ITGA2: variants seen among roughly 807,000 people sequenced by gnomAD.
The protein encoded by ITGA2 is integrin subunit alpha 2.
Under a neutral mutation model 146.3 loss-of-function variants are expected in ITGA2, and 101 were observed. That is an observed-to-expected ratio of 0.69 (90% CI 0.59 to 0.81). The LOEUF is 0.81. Among genes scored for constraint, ITGA2 ranks in the 40% least tolerant of loss-of-function variants. ITGA2 has a pLI of 0.00. For synonymous variants in ITGA2, 477 were observed against 487.1 expected, an observed-to-expected ratio of 0.98 and a Z score of 0.27; for missense variants, 1,281 against 1,402.7, an observed-to-expected ratio of 0.91 and a Z score of 1.39.
chr5:53,048,228 G>A, intron 4 of ITGA2, 135 bp from the exon 5 acceptor site: 2 of 744,372 alleles, frequency 2.7e-6, no homozygotes, highest in Non-Finnish European at 4.7e-6. Context: ...AGGCATTACT[G>A]ACTCATTGGT....
intron 1 of ITGA2, 76 bp downstream of exon 1, chr5:52,989,608 G>A (rs1484940254): frequency 2.0e-6 from 3 of 1,514,384 alleles, no homozygotes; most frequent in African/African-American, 2.7e-5. Flanking sequence ...GAGGGATTGG[G>A]CGGAACTAGG....
intron 23 of ITGA2, 136 bp downstream of exon 23, chr5:53,075,440 A>G (rs1745618964): frequency 8.0e-6 from 6 of 747,576 alleles, no homozygotes; most frequent in Non-Finnish European, 1.4e-5. Context: ...GTCAACTAAA[A>G]CAGGAGTCCA....
At chr5:53,087,733 A>G (rs1740174025) in intron 28 of ITGA2, among the ~76,000 whole-genome samples, 1 of 152,066 alleles carries the variant, frequency 6.6e-6, no homozygotes, top group Admixed American at 6.5e-5. Flanking sequence ...GACTCTGGTT[A>G]GAATATGCCA....
intron 12 of ITGA2, among the ~76,000 whole-genome samples, chr5:53,061,542 GGTTTT>G (rs1561133940): frequency 6.6e-6 from 1 of 151,820 alleles, no homozygotes; most frequent in Non-Finnish European, 1.5e-5. Flanking sequence ...ATGTCCTGTT[GGTTTT>G]GAAGATTCTA....
In ITGA2 at chr5:53,086,934, C is replaced by T; in HGVS notation, c.3259-18C>T. 6.3e-7 allele frequency: 1 copy of T among 1,588,176 alleles called. No individual in the cohort carries two copies. The highest frequency in any genetic ancestry group is 8.6e-7 in the Non-Finnish European group (1 of 1,156,600). On this transcript the variant is annotated intron_variant, in intron 27 of 29. Transcript: ENST00000296585. The stretch of plus-strand genomic sequence containing the variant: ...GCTGCTGCTACGATAAAACATATTC[C>T]TTATTCTTATGTTCCAGTCAACGTT...
intron 15 of ITGA2, 55 bp from the exon 16 acceptor site, chr5:53,067,063 A>G: frequency 6.4e-7 from 1 of 1,567,190 alleles, no homozygotes; most frequent in Non-Finnish European, 8.7e-7. Flanking sequence ...TAAAGGATAT[A>G]ATACGTGTGC....
In ITGA2 at chr5:52,989,407, A is replaced by G. The variant is rs1283651919; in HGVS notation, c.-62A>G. On this transcript the variant is annotated 5_prime_UTR_variant, in exon 1 of 30. Transcript: ENST00000296585. ...TGCAGGTTCTCGTATCCCTCGGCCA[A>G]GGGTATCCTCTGCAAACCTCTGCAA... The G allele has an allele frequency of 6.4e-7, 1 of 1,556,336 alleles. No homozygotes were observed. The highest frequency in any genetic ancestry group is 8.9e-7 in the Non-Finnish European group (1 of 1,127,338).
chr5:53,057,926 G>T, intron 9 of ITGA2, 99 bp from the exon 10 acceptor site: 1 of 804,812 alleles, frequency 1.2e-6, no homozygotes, highest in Non-Finnish European at 2.2e-6. Flanking sequence ...GTTTGTGTTT[G>T]TGTTTGTAGG....
At chr5:53,027,256 A>ACC (rs1742993708) in intron 2 of ITGA2, among the ~76,000 whole-genome samples, 1 of 152,232 alleles carries the variant, frequency 6.6e-6, no homozygotes, top group Non-Finnish European at 1.5e-5. Context: ...GACCATTTCT[A>ACC]AATGGTAGAA....
At position 53,005,253 on chromosome 5, in the gene ITGA2, G is replaced by A. The variant is rs147068965; in HGVS notation, c.64+15721G>A. Among the ~76,000 whole-genome samples, 332 of 152,052 alleles carry A rather than the reference G, an allele frequency of 2.2e-3. 1 individual carries two copies. Among genetic ancestry groups the A allele is most frequent in the African/African-American group, 7.1e-3 (296 of 41,460 alleles). On this transcript the variant is annotated intron_variant, in intron 1 of 29. Coordinates refer to ENST00000296585, the MANE Select transcript of ITGA2 (RefSeq NM_002203.4). ...GTGTGTGTCAGCAAAATGCAGCAACGTGTCATCCTCCTAACCATTAGACAG... is the reference window on the plus strand; with the variant it reads ...GTGTGTGTCAGCAAAATGCAGCAACATGTCATCCTCCTAACCATTAGACAG...
At chr5:53,018,209 T>C (rs762562483) in intron 1 of ITGA2, among the ~76,000 whole-genome samples, 1 of 152,162 alleles carries the variant, frequency 6.6e-6, no homozygotes, top group Non-Finnish European at 1.5e-5. Flanking sequence ...AAGTCTCCTA[T>C]AGGAGCACGG....
chr5:53,054,781 G>T (rs3212516), intron 7 of ITGA2, among the ~76,000 whole-genome samples: 26 of 152,054 alleles, frequency 1.7e-4, no homozygotes, highest in African/African-American at 6.0e-4. Flanking sequence ...GGGGACTCAG[G>T]GGGGAAATGG....
intron 17 of ITGA2, 84 bp from the exon 18 acceptor site, chr5:53,071,854 G>T: frequency 1.1e-6 from 1 of 924,798 alleles, no homozygotes; most frequent in Non-Finnish European, 1.8e-6. Flanking sequence ...AACACATTTG[G>T]AATCATTTTC....
intron 15 of ITGA2, among the ~76,000 whole-genome samples, chr5:53,066,343 A>G (rs1745146493): frequency 6.6e-6 from 1 of 151,866 alleles, no homozygotes; most frequent in Admixed American, 6.6e-5. Flanking sequence ...AATTCAGACC[A>G]CACAAGTAAA....
intron 9 of ITGA2, among the ~76,000 whole-genome samples, chr5:53,056,752 G>C (rs1317848051): frequency 6.6e-6 from 1 of 151,670 alleles, no homozygotes; most frequent in East Asian, 1.9e-4. Context: ...GGAAAATCTA[G>C]TTAGTGCAGA....
chr5:53,039,890 G>A (rs1743701544), intron 2 of ITGA2, among the ~76,000 whole-genome samples: 1 of 151,678 alleles, frequency 6.6e-6, no homozygotes. Context: ...TCAACAAGTG[G>A]TTATTCATTG....
At position 53,000,897 on chromosome 5, in the gene ITGA2, G is replaced by GTTTTTTTTTT. The variant is rs369482288; in HGVS notation, c.64+11377_64+11386dup. On this transcript the variant is annotated intron_variant, in intron 1 of 29. Coordinates refer to ENST00000296585, the MANE Select transcript of ITGA2 (RefSeq NM_002203.4). ...TTTTCTTTTTTTTCTTTTTCTTTTT[G>GTTTTTTTTTT]TTTTTTTTTTTTTTTTTTTTTCTTG... Among the ~76,000 whole-genome samples the GTTTTTTTTTT allele has an allele frequency of 3.9e-4, 38 of 97,230 alleles. 1 individual carries two copies. Among genetic ancestry groups the GTTTTTTTTTT allele is most frequent in the South Asian group, 7.2e-4 (2 of 2,792 alleles). 63.8% of individuals were successfully genotyped at this position (97,230 alleles called of 152,430 possible).
chr5:53,055,410 G>T (rs1046330358), intron 7 of ITGA2, 128 bp from the exon 8 acceptor site: 4 of 794,252 alleles, frequency 5.0e-6, no homozygotes, highest in Non-Finnish European at 6.3e-6. Flanking sequence ...TATGTCCTCA[G>T]AATTAATATG....
At position 53,020,013 on chromosome 5, in the gene ITGA2, G is replaced by A. The variant is rs1057443581; in HGVS notation, c.65-6735G>A. Among the ~76,000 whole-genome samples the A allele has an allele frequency of 3.3e-4, 50 of 152,058 alleles. 1 individual carries two copies. The highest frequency in any genetic ancestry group is 1.1e-3 in the African/African-American group (45 of 41,406). On this transcript the variant is annotated intron_variant, in intron 1 of 29. Transcript: ENST00000296585. ...AACAGTATATACCATATAGGGTTTG[G>A]TATTACCTATTGTTTTAGGCATCTA...
Sources: allele counts gnomAD v4.1 joint callset (sites outside exome capture counted in the v4.1 genomes callset), GRCh38; gene constraint gnomAD v4.1.1; transcripts MANE v1.5; gene names NCBI Gene and HGNC (gene_info 2026-07-23, HGNC 2026-07-21).